DIAPH3: variants seen among roughly 807,000 people sequenced by gnomAD.
DIAPH3 encodes the protein diaphanous related formin 3.
Under a neutral mutation model 144.3 loss-of-function variants are expected in DIAPH3, and 117 were observed. The observed-to-expected ratio is 0.81, with a 90% CI of 0.70 to 0.95. The LOEUF (loss-of-function observed/expected upper bound fraction) is 0.95. Ranked by LOEUF, DIAPH3 falls within the 40% of genes least tolerant of loss-of-function variation. The pLI, the probability that DIAPH3 is intolerant of heterozygous loss-of-function variation, is 0.00. For synonymous variants in DIAPH3, 519 were observed against 488.9 expected (o/e 1.06, Z -0.81); for missense variants, 1,421 against 1,412.7 (o/e 1.01, Z -0.09).
At chr13:59,677,456 T>C (rs917456785) in intron 27 of DIAPH3, among the ~76,000 whole-genome samples, 1 of 152,144 alleles carries the variant, frequency 6.6e-6, no homozygotes, top group African/African-American at 2.4e-5. Flanking sequence ...ATAATATATT[T>C]TATTTAATCC....
chr13:60,128,477 A>T (rs942698291), intron 2 of DIAPH3, among the ~76,000 whole-genome samples: 2 of 152,186 alleles, frequency 1.3e-5, no homozygotes, highest in African/African-American at 4.8e-5. Context: ...TGTATTACTA[A>T]ACATAGCACT....
At chr13:59,946,621 C>A (rs2048808839) in intron 17 of DIAPH3, among the ~76,000 whole-genome samples, 1 of 152,072 alleles carries the variant, frequency 6.6e-6, no homozygotes, top group Admixed American at 6.6e-5. Flanking sequence ...CATGCAAACA[C>A]ACAAAGAGAA....
intron 7 of DIAPH3, chr13:60,012,893 G>A (rs1246867155): frequency 4.5e-6 from 3 of 665,882 alleles, no homozygotes; most frequent in Non-Finnish European, 5.6e-6. Flanking sequence ...GCAAAAATGT[G>A]TCACACTCAT....
At chr13:59,793,427 C>T (rs1350116836) in intron 25 of DIAPH3, among the ~76,000 whole-genome samples, 4 of 152,200 alleles carry the variant, frequency 2.6e-5, no homozygotes, top group African/African-American at 9.7e-5. Flanking sequence ...TCTCATCTCC[C>T]ATATTCATTC....
At chr13:59,756,424 GGAAGGAAGGAAGGAAGGAAA>G (rs1358627597) in intron 27 of DIAPH3, among the ~76,000 whole-genome samples, 10 of 135,476 alleles carry the variant, frequency 7.4e-5, no homozygotes, top group South Asian at 4.8e-4. Flanking sequence ...AAGGAAGGAA[GGAAGGAAGGAAGGAAGGAAA>G]GAAGGAAGGA....
chr13:59,738,548 A>G (rs1476084827), intron 27 of DIAPH3, among the ~76,000 whole-genome samples: 2 of 152,128 alleles, frequency 1.3e-5, no homozygotes, highest in Non-Finnish European at 2.9e-5. Flanking sequence ...CTGTTATGAC[A>G]GGCAGGCCCC....
intron 27 of DIAPH3, among the ~76,000 whole-genome samples, chr13:59,723,075 T>A (rs342581): frequency 1.3e-5 from 2 of 151,942 alleles, no homozygotes; most frequent in Non-Finnish European, 2.9e-5. Flanking sequence ...AAATAACTCT[T>A]CAGAATAATG....
At chr13:59,900,872 A>G (rs2046392102) in intron 20 of DIAPH3, among the ~76,000 whole-genome samples, 1 of 152,054 alleles carries the variant, frequency 6.6e-6, no homozygotes, top group Non-Finnish European at 1.5e-5. Context: ...ACTTTCCCTC[A>G]TCTCTATAAA....
chr13:59,749,519 C>CAAA (rs60918644), intron 27 of DIAPH3, among the ~76,000 whole-genome samples: 50 of 50,984 alleles, frequency 9.8e-4, no homozygotes, highest in East Asian at 1.4e-3. Context: ...GACTCCATCT[C>CAAA]AAAAAAAAAA....
chr13:59,811,097 T>C (rs979094134), intron 24 of DIAPH3, among the ~76,000 whole-genome samples, 174 bp from the exon 25 acceptor site: 1 of 152,192 alleles, frequency 6.6e-6, no homozygotes, highest in African/African-American at 2.4e-5. Flanking sequence ...TTGTTAACTA[T>C]GTTATGTATC....
At chr13:59,702,730 C>T (rs2034180218) in intron 27 of DIAPH3, among the ~76,000 whole-genome samples, 1 of 152,186 alleles carries the variant, frequency 6.6e-6, no homozygotes, top group Non-Finnish European at 1.5e-5. Flanking sequence ...TCTAGATAAA[C>T]TTCCAGAACT....
At chr13:59,811,305 C>T (rs952824058) in intron 24 of DIAPH3, among the ~76,000 whole-genome samples, 2 of 151,926 alleles carry the variant, frequency 1.3e-5, no homozygotes, top group Non-Finnish European at 2.9e-5. Flanking sequence ...ATCTTCTTTG[C>T]AAAGCAAATT....
At chr13:59,679,531 A>G (rs1031988583) in intron 27 of DIAPH3, among the ~76,000 whole-genome samples, 2 of 152,226 alleles carry the variant, frequency 1.3e-5, no homozygotes, top group Non-Finnish European at 2.9e-5. Context: ...AATGTACCAT[A>G]CAGAGGGCAG....
chr13:59,882,618 G>A (rs774123810), intron 20 of DIAPH3, among the ~76,000 whole-genome samples: 11 of 152,078 alleles, frequency 7.2e-5, no homozygotes, highest in Non-Finnish European at 1.5e-4. Context: ...GAACTATGGT[G>A]CTCAAATAAT....
chr13:60,022,803 A>C (rs193227989), intron 5 of DIAPH3, among the ~76,000 whole-genome samples: 1 of 152,250 alleles, frequency 6.6e-6, no homozygotes, highest in African/African-American at 2.4e-5. Context: ...AACTGAATTC[A>C]CCCTCTATTC....
chr13:60,101,935 T>C (rs1246004851), intron 3 of DIAPH3, among the ~76,000 whole-genome samples: 1 of 152,210 alleles, frequency 6.6e-6, no homozygotes, highest in Non-Finnish European at 1.5e-5. Flanking sequence ...CAAATCTTAC[T>C]AGTCTCTCTC....
chr13:59,874,358 A>G (rs1462103000), intron 21 of DIAPH3, among the ~76,000 whole-genome samples: 2 of 152,172 alleles, frequency 1.3e-5, no homozygotes, highest in Non-Finnish European at 2.9e-5. Context: ...AGAATATGAG[A>G]ATTTAATGTT....
chr13:59,869,401 C>T (rs776922185), intron 21 of DIAPH3, among the ~76,000 whole-genome samples: 2 of 152,026 alleles, frequency 1.3e-5, no homozygotes, highest in African/African-American at 4.8e-5. Flanking sequence ...ACAGGAGAAA[C>T]GTGTAATGCA....
chr13:60,088,010 G>C (rs142230668), intron 4 of DIAPH3, among the ~76,000 whole-genome samples: 267 of 152,140 alleles, frequency 1.8e-3, no homozygotes, highest in African/African-American at 6.0e-3. Flanking sequence ...GAAGTACAAA[G>C]TTCAAAGAGA....
Sources: allele counts gnomAD v4.1 joint callset (sites outside exome capture counted in the v4.1 genomes callset), GRCh38; gene constraint gnomAD v4.1.1; transcripts MANE v1.5; gene names NCBI Gene and HGNC (gene_info 2026-07-23, HGNC 2026-07-21).